Variants in GPRASP2 observed in about 807,000 individuals in gnomAD.
GPRASP2 encodes G protein-coupled receptor associated sorting protein 2, also known as G protein-coupled receptor-associated sorting protein 2.
GPRASP2 carries 10 observed loss-of-function variants against 36.0 expected under a neutral mutation model. The observed-to-expected ratio is 0.28, with a 90% confidence interval of 0.17 to 0.47. GPRASP2 has a LOEUF of 0.47. Among genes scored for constraint, GPRASP2 ranks in the 20% least tolerant of loss-of-function variants. The probability of loss-of-function intolerance (pLI) is 0.99; values close to 1 mark genes in which losing one functional copy is unlikely to be tolerated. For missense variants in GPRASP2, 538 were observed against 626.7 expected (o/e 0.86, Z 1.51); for synonymous variants, 219 against 230.5 (o/e 0.95, Z 0.45).
chrX:102,715,394 A>G lies in GPRASP2; in HGVS notation c.525A>G (p.Leu175=). 8.2e-7 allele frequency: 1 copy of G among 1,212,300 alleles called. No individual in the cohort carries two copies. The highest frequency in any genetic ancestry group is 1.7e-5 in the African/African-American group (1 of 57,930). ...KSKGLSMDRE[L]VNVDAETFPG... is the part of the protein sequence containing the mutation. ...AGGGCCTGTCTATGGATAGAGAACT[A>G]GTCAATGTGGATGCTGAAACCTTTC... is the stretch of plus-strand genomic sequence containing the variant. The change falls in exon 5 of 5, where the codon CTA becomes CTG. Residue 175 remains leucine (L), a synonymous_variant. Coordinates refer to ENST00000483720, the MANE Select transcript of GPRASP2 (RefSeq NM_001004051.4).
Position 102,717,223 on chromosome X carries a change from A to G in GPRASP2, c.2354A>G (p.Gln785Arg), listed in dbSNP as rs375864701. ...ATTCAAATTGTTATTAAAATGTTTCAGAATATCAGTAACATTATAAAAAGT... is the reference window on the plus strand; with the variant it reads ...ATTCAAATTGTTATTAAAATGTTTCGGAATATCAGTAACATTATAAAAAGT... ...DNIQIVIKMF[Q>R]NISNIIKSGK... The change falls in exon 5 of 5, where the codon CAG becomes CGG. Residue 785 changes from glutamine (Q) to arginine (R), a missense_variant. Transcript: ENST00000483720. 2.7e-5 allele frequency: 30 copies of G among 1,122,780 alleles called. No individual in the cohort carries two copies. Among genetic ancestry groups the G allele is most frequent in the Admixed American group, 2.1e-4 (7 of 34,099 alleles). The allele number at this position is 1,122,780 out of a possible 1,213,427, so 92.5% of individuals were successfully genotyped here. A position where few individuals can be genotyped will look rare whatever the true frequency, so the allele number is the denominator to read the frequency against.
Position 102,715,507 on chromosome X carries a change from G to A in GPRASP2, c.638G>A (p.Arg213Lys), listed in dbSNP as rs749486515. Residue 213 changes from arginine (R) to lysine (K), a missense_variant, in exon 5 of 5, where the codon AGG becomes AAG. Physicochemically the swap from Arg to Lys is conservative, Grantham distance 26. Coordinates refer to ENST00000483720, the MANE Select transcript of GPRASP2 (RefSeq NM_001004051.4). Reference protein sequence around the residue: ...NMGSWCYSRPRAREEASNESG... With the variant: ...NMGSWCYSRPKAREEASNESG... ...GGGTCTTGGTGCTATTCCAGGCCCAGGGCCAGAGAGGAGGCCTCTAATGAG... is the reference window on the plus strand; with the variant it reads ...GGGTCTTGGTGCTATTCCAGGCCCAAGGCCAGAGAGGAGGCCTCTAATGAG... The A allele has an allele frequency of 8.2e-7, 1 of 1,212,204 alleles. No individual in the cohort carries two copies. The highest frequency in any genetic ancestry group is 1.8e-5 in the South Asian group (1 of 57,010).
Position 102,716,988 on chromosome X carries a change from A to G in GPRASP2, c.2119A>G (p.Thr707Ala), listed in dbSNP as rs1223292697. ...LTGIRMLRHL[T>A]MTIDYHTLIA... ...TGGAATAAGGATGCTTAGACACCTC[A>G]CTATGACTATTGACTATCACACACT... is the stretch of plus-strand genomic sequence containing the variant. Residue 707 changes from threonine to alanine, a missense_variant, in exon 5 of 5, where the codon ACT (threonine) becomes GCT (alanine). By Grantham distance (58) the Thr-to-Ala change is moderately conservative. Around this residue, in one of 2 missense-constraint regions of GPRASP2, gnomAD observed 262 missense variants for 351.7 expected, o/e 0.74. Transcript: ENST00000483720. The G allele has an allele frequency of 3.3e-6, 4 of 1,200,848 alleles. No individual in the cohort carries two copies. The highest frequency in any genetic ancestry group is 2.2e-5 in the Admixed American group (1 of 45,375).
chrX:102,717,353 C>T lies in GPRASP2; in HGVS notation c.2484C>T (p.Asn828=), dbSNP rs146118714. 497 of 1,079,371 alleles carry T rather than the reference C, an allele frequency of 4.6e-4. No homozygotes were observed. Among genetic ancestry groups the T allele is most frequent in the Admixed American group, 7.5e-4 (22 of 29,305 alleles). 89.0% of individuals were successfully genotyped at this position (1,079,371 alleles called of 1,213,427 possible). ...AGCAACTACAAGCCCAAATAGACAA[C>T]CAAAATGATCCTGAGGTGGGACAAC... The part of the protein sequence containing the change: ...LAKQLQAQID[N]QNDPEVGQQS Residue 828 remains asparagine, a synonymous_variant, in exon 5 of 5, where the codon AAC becomes AAT. Coordinates refer to ENST00000483720, the MANE Select transcript of GPRASP2 (RefSeq NM_001004051.4).
chrX:102,717,114 C>T lies in GPRASP2; in HGVS notation c.2245C>T (p.Pro749Ser), dbSNP rs778293453. 4.2e-6 allele frequency: 5 copies of T among 1,201,896 alleles called. No homozygotes were observed. Among genetic ancestry groups the T allele is most frequent in the African/African-American group, 3.5e-5 (2 of 57,730 alleles). ...LKMLLNLSENPAVAKKLFSAK... is the reference protein window; with the variant it reads ...LKMLLNLSENSAVAKKLFSAK... ...AATGCTATTGAATTTGTCTGAAAAT[C>T]CTGCTGTGGCAAAAAAACTATTCAG... The change falls in exon 5 of 5, where the codon CCT becomes TCT. Residue 749 changes from proline (P) to serine (S), a missense_variant. Transcript: ENST00000483720.
Position 102,716,817 on chromosome X carries a change from C to T in GPRASP2, c.1948C>T (p.Pro650Ser), listed in dbSNP as rs774126365. 3.3e-6 allele frequency: 4 copies of T among 1,212,122 alleles called. No homozygotes were observed. In the East Asian group the frequency reaches 1.2e-4, roughly 36 times the overall value. Residue 650 changes from proline to serine, a missense_variant, in exon 5 of 5, where the codon CCA becomes TCA. This residue lies in a region of GPRASP2 where 262 missense variants were observed against 351.7 expected (regional missense o/e 0.74). Coordinates refer to ENST00000483720, the MANE Select transcript of GPRASP2 (RefSeq NM_001004051.4). ...ACTTATTGAAACCTTGCTTAATTATCCATCCTCTAGAGTTAGGACAAGTTT... is the reference window on the plus strand; with the variant it reads ...ACTTATTGAAACCTTGCTTAATTATTCATCCTCTAGAGTTAGGACAAGTTT... ...VSLIETLLNY[P>S]SSRVRTSFLE... is the part of the protein sequence containing the mutation.
At position 102,716,515 on chromosome X, in the gene GPRASP2, C is replaced by T. The variant is rs1327088774; in HGVS notation, c.1646C>T (p.Pro549Leu). ...EQESLLQPDQ[P>L]SPEFTFQYDP... ...GAATCTTTGCTTCAGCCTGATCAGC[C>T]TAGTCCTGAGTTCACATTTCAGTAT... Residue 549 changes from proline to leucine, a missense_variant, in exon 5 of 5, where the codon CCT (proline) becomes CTT (leucine). This residue lies in a region of GPRASP2 where 262 missense variants were observed against 351.7 expected (regional missense o/e 0.74). Transcript: ENST00000483720. 1.7e-6 allele frequency: 2 copies of T among 1,210,381 alleles called. No homozygotes were observed. Among genetic ancestry groups the T allele is most frequent in the Admixed American group, 2.2e-5 (1 of 45,826 alleles).
intron 1 of GPRASP2, 156 bp from the exon 2 acceptor site, chrX:102,712,974 C>G (rs2081898042): frequency 8.9e-6 from 1 of 112,149 alleles, no homozygotes; most frequent in Non-Finnish European, 1.9e-5. Flanking sequence ...CGGCGGGGGT[C>G]GGCGTCCCGG....
Position 102,715,685 on chromosome X carries a change from C to T in GPRASP2, c.816C>T (p.Ser272=). 2 of 1,211,965 alleles carry T rather than the reference C, an allele frequency of 1.7e-6. No individual in the cohort carries two copies. The highest frequency in any genetic ancestry group is 1.1e-6 in the Non-Finnish European group (1 of 895,590). Residue 272 remains serine, a synonymous_variant, in exon 5 of 5, where the codon TCC becomes TCT. Transcript: ENST00000483720. Reference sequence around the variant, plus strand: ...CTAATCCCAGGTCCAGGCCCAGATCCAAGCAAGAAGCCTATGTTGATTCCT... The same window carrying T: ...CTAATCCCAGGTCCAGGCCCAGATCTAAGCAAGAAGCCTATGTTGATTCCT... ...HQTNPRSRPR[S]KQEAYVDSWS... is the part of the protein sequence containing the mutation.
Position 102,715,422 on chromosome X carries a change from G to A in GPRASP2, c.553G>A (p.Gly185Ser). 1.6e-6 allele frequency: 2 copies of A among 1,212,169 alleles called. No individual in the cohort carries two copies. Among genetic ancestry groups the A allele is most frequent in the Non-Finnish European group, 2.2e-6 (2 of 895,605 alleles). ...LVNVDAETFP[G>S]TQGQKGIQPW... Reference sequence around the variant, plus strand: ...CAATGTGGATGCTGAAACCTTTCCTGGCACCCAGGGTCAGAAAGGAATCCA... The same window carrying A: ...CAATGTGGATGCTGAAACCTTTCCTAGCACCCAGGGTCAGAAAGGAATCCA... Residue 185 changes from glycine to serine, a missense_variant, in exon 5 of 5, where the codon GGC becomes AGC. Physicochemically the swap from Gly to Ser is moderately conservative, Grantham distance 56. This residue lies in a region of GPRASP2 where 276 missense variants were observed against 275.0 expected (regional missense o/e 1.00). Transcript: ENST00000483720.
rs1209679072 is a variant in GPRASP2 at position 102,714,734 on chromosome X, C to T, written c.-136C>T. On this transcript the variant is annotated 5_prime_UTR_variant, in exon 5 of 5. Transcript: ENST00000483720. ...GTGACTACTGGACTGGATATTGACT[C>T]TAACTCTTATTCCCAAGCTTATATC... 9.8e-7 allele frequency: 1 copy of T among 1,023,043 alleles called. No individual in the cohort carries two copies. Among genetic ancestry groups the T allele is most frequent in the East Asian group, 3.1e-5 (1 of 31,773 alleles). 84.3% of individuals were successfully genotyped at this position (1,023,043 alleles called of 1,213,427 possible). A position where few individuals can be genotyped will look rare whatever the true frequency, so the allele number is the denominator to read the frequency against.
chrX:102,714,941 T>C lies in GPRASP2; in HGVS notation c.72T>C (p.Ala24=). The C allele has an allele frequency of 8.2e-7, 1 of 1,212,456 alleles. No homozygotes were observed. Among genetic ancestry groups the C allele is most frequent in the Non-Finnish European group, 1.1e-6 (1 of 895,671 alleles). ...AGAAGGCTGGGGAAGAGGTTATCGCTGGGCCTGAGAGAGAGAATGATGTCC... is the reference window on the plus strand; with the variant it reads ...AGAAGGCTGGGGAAGAGGTTATCGCCGGGCCTGAGAGAGAGAATGATGTCC... ...PEKKAGEEVI[A]GPERENDVPL... Residue 24 remains alanine (A), a synonymous_variant, in exon 5 of 5, where the codon GCT becomes GCC. Transcript: ENST00000483720.
Position 102,716,373 on chromosome X carries a change from C to T in GPRASP2, c.1504C>T (p.Leu502Phe). ...DEVTVEFKPG[L>F]FHGVGFRSTS... is the part of the protein sequence containing the mutation. Reference sequence around the variant, plus strand: ...GGTCACTGTTGAATTCAAACCTGGTCTTTTTCATGGGGTTGGCTTCCGATC... The same window carrying T: ...GGTCACTGTTGAATTCAAACCTGGTTTTTTTCATGGGGTTGGCTTCCGATC... The change falls in exon 5 of 5, where the codon CTT (leucine) becomes TTT (phenylalanine). Residue 502 changes from leucine to phenylalanine, a missense_variant. Physicochemically the swap from Leu to Phe is conservative, Grantham distance 22. Around this residue, in one of 2 missense-constraint regions of GPRASP2, gnomAD observed 262 missense variants for 351.7 expected, o/e 0.74. Coordinates refer to ENST00000483720, the MANE Select transcript of GPRASP2 (RefSeq NM_001004051.4). 1 of 1,211,948 alleles carries T rather than the reference C, an allele frequency of 8.3e-7. No individual in the cohort carries two copies. The highest frequency in any genetic ancestry group is 1.7e-5 in the African/African-American group (1 of 57,860).
Position 102,715,072 on chromosome X carries a change from C to G in GPRASP2, c.203C>G (p.Ala68Gly), listed in dbSNP as rs779921022. The change falls in exon 5 of 5, where the codon GCA becomes GGA. Residue 68 changes from alanine to glycine, a missense_variant. Transcript: ENST00000483720. ...PAARPKTEAQ[A>G]MSGARPKTEV... ...GCAAGGCCCAAAACTGAGGCCCAAG[C>G]AATGTCTGGGGCAAGGCCCAAAACT... The G allele has an allele frequency of 1.6e-6, 2 of 1,212,512 alleles. No homozygotes were observed. Among genetic ancestry groups the G allele is most frequent in the African/African-American group, 1.7e-5 (1 of 58,063 alleles).
At position 102,714,202 on chromosome X, in the gene GPRASP2, C is replaced by T. The variant is rs1183696375; in HGVS notation, c.-398C>T. ...ACTTGTCTGTAGGACCCCCTTCTGT[C>T]AGCTGTGGGGCTTGACACCACTTGA... On this transcript the variant is annotated 5_prime_UTR_variant, in exon 4 of 5. Coordinates refer to ENST00000483720, the MANE Select transcript of GPRASP2 (RefSeq NM_001004051.4). 3 of 112,188 alleles carry T rather than the reference C, an allele frequency of 2.7e-5. No homozygotes were observed. The highest frequency in any genetic ancestry group is 5.6e-5 in the Non-Finnish European group (3 of 53,449). 9.2% of individuals were successfully genotyped at this position (112,188 alleles called of 1,213,427 possible). A position where few individuals can be genotyped will look rare whatever the true frequency, so the allele number is the denominator to read the frequency against.
At chrX:102,712,879 G>C (rs1217962793) in intron 1 of GPRASP2, among the ~76,000 whole-genome samples, 1 of 112,997 alleles carries the variant, frequency 8.8e-6, no homozygotes, top group Non-Finnish European at 1.9e-5. Flanking sequence ...AGAGGGCTGT[G>C]GGGGAGGCTC....
rs2081977166 is a variant in GPRASP2, at chrX:102,717,160, T to C, written c.2291T>C (p.Phe764Ser). ...TTCAGTGCCAAAGCTCTTTCAATAT[T>C]TGTGGGTCTCTTTAACATAGAAGAG... ...KLFSAKALSI[F>S]VGLFNIEETN... The change falls in exon 5 of 5, where the codon TTT (phenylalanine) becomes TCT (serine). Residue 764 changes from phenylalanine to serine, a missense_variant. This residue lies in a region of GPRASP2 where 262 missense variants were observed against 351.7 expected (regional missense o/e 0.74). Transcript: ENST00000483720. 2 of 1,183,740 alleles carry C rather than the reference T, an allele frequency of 1.7e-6. No homozygotes were observed. The highest frequency in any genetic ancestry group is 2.3e-6 in the Non-Finnish European group (2 of 878,358).
chrX:102,713,606 A>G (rs1448180579), intron 2 of GPRASP2, among the ~76,000 whole-genome samples, 176 bp from the exon 3 acceptor site: 1 of 112,910 alleles, frequency 8.9e-6, no homozygotes, highest in Non-Finnish European at 1.9e-5. Flanking sequence ...TATCTCTGGA[A>G]CCTTGAAGCA....
Position 102,714,645 on chromosome X carries a change from C to T in GPRASP2, c.-225C>T, listed in dbSNP as rs1296006116. On this transcript the variant is annotated 5_prime_UTR_variant, in exon 5 of 5. Coordinates refer to ENST00000483720, the MANE Select transcript of GPRASP2 (RefSeq NM_001004051.4). ...TCTGTCTTCCTTTAGCTTGGTTGTA[C>T]CTGTTCTCACTCTATCTGTATTATT... The T allele has an allele frequency of 1.5e-4, 78 of 526,960 alleles. No individual in the cohort carries two copies. The highest frequency in any genetic ancestry group is 2.0e-4 in the Non-Finnish European group (70 of 344,344). 43.4% of individuals were successfully genotyped at this position (526,960 alleles called of 1,213,427 possible).
Sources: gnomAD v4.1 joint callset for allele counts (sites outside exome capture counted in the v4.1 genomes callset) on GRCh38, gnomAD v4.1.1 for gene constraint, gnomAD v4.1.1 regional missense constraint, MANE v1.5 for transcripts, NCBI Gene and HGNC (gene_info 2026-07-23, HGNC 2026-07-21) for gene names.